RBMS3: variants seen among roughly 807,000 people sequenced by gnomAD.
RBMS3 encodes RNA-binding motif, single-stranded-interacting protein 3.
In RBMS3, 27 loss-of-function variants were observed where a neutral mutation model predicts 66.8. That is an observed-to-expected ratio of 0.40 (90% CI 0.30 to 0.56). The LOEUF (loss-of-function observed/expected upper bound fraction) is 0.56. Ranked by LOEUF, RBMS3 falls within the 20% of genes least tolerant of loss-of-function variation. RBMS3 has a pLI of 0.40. For missense variants in RBMS3, 513 were observed against 549.5 expected (o/e 0.93, Z 0.66); for synonymous variants, 188 against 183.0 (o/e 1.03, Z -0.22).
chr3:29,426,527 A>T (rs1269003133), intron 1 of RBMS3, among the ~76,000 whole-genome samples: 7 of 152,232 alleles, frequency 4.6e-5, no homozygotes, highest in Admixed American at 4.6e-4. Flanking sequence ...TCAAAAACTA[A>T]CATTTAGAGC....
At chr3:29,321,014 T>C (rs867380274) in intron 1 of RBMS3, among the ~76,000 whole-genome samples, 1 of 152,026 alleles carries the variant, frequency 6.6e-6, no homozygotes, top group Non-Finnish European at 1.5e-5. Context: ...GAGGAATACA[T>C]TGAGTTAAGA....
Position 29,897,430 on chromosome 3 carries a change from A to C in RBMS3, c.843A>C (p.Thr281=). ...CAACCAACCGCATGATTCCACAGACATCTATCACGCCATTCATTGCTGCTT... is the reference window on the plus strand; with the variant it reads ...CAACCAACCGCATGATTCCACAGACCTCTATCACGCCATTCATTGCTGCTT... The part of the protein sequence containing the change: ...SIATNRMIPQ[T]SITPFIAASP... Residue 281 remains threonine (T), a synonymous_variant, in exon 9 of 15, where the codon ACA becomes ACC. Coordinates refer to ENST00000383767, the MANE Select transcript of RBMS3 (RefSeq NM_001003793.3). The C allele has an allele frequency of 6.2e-7, 1 of 1,611,244 alleles. No homozygotes were observed. Among genetic ancestry groups the C allele is most frequent in the South Asian group, 1.1e-5 (1 of 91,028 alleles).
intron 12 of RBMS3, among the ~76,000 whole-genome samples, chr3:29,954,284 G>C (rs1341731590): frequency 1.3e-5 from 2 of 151,788 alleles, no homozygotes; most frequent in Non-Finnish European, 2.9e-5. Flanking sequence ...TCATGCCAAA[G>C]TTTCCAACTA....
intron 12 of RBMS3, among the ~76,000 whole-genome samples, chr3:29,963,273 C>T (rs1013612078): frequency 2.0e-5 from 3 of 151,998 alleles, no homozygotes; most frequent in African/African-American, 7.2e-5. Flanking sequence ...ATTAAATGCC[C>T]GAATGCCCAG....
At chr3:29,439,555 G>C (rs981325281) in intron 2 of RBMS3, among the ~76,000 whole-genome samples, 1 of 151,944 alleles carries the variant, frequency 6.6e-6, no homozygotes, top group Non-Finnish European at 1.5e-5. Context: ...AAGTAGCACA[G>C]AATAGAACCC....
intron 6 of RBMS3, among the ~76,000 whole-genome samples, chr3:29,838,565 C>T (rs13317628): frequency 0.24 from 35,928 of 151,906 alleles, 4,368 homozygotes; most frequent in African/African-American, 0.28. Context: ...ACCTTGTGAA[C>T]GTCCCACTTT....
chr3:29,339,154 G>A lies in RBMS3; in HGVS notation c.75+57398G>A, dbSNP rs571830165. 2.0e-5 allele frequency among the ~76,000 whole-genome samples: 3 copies of A among 152,142 alleles called. No individual in the cohort carries two copies. The South Asian group carries it at 6.2e-4, about 32-fold the overall frequency. ...AGTAGAGGAAGCCTGACTTCTCTAG[G>A]GCCCATGCCGTAATTCTTCTGGAGA... On this transcript the variant is annotated intron_variant, in intron 1 of 14. Coordinates refer to ENST00000383767, the MANE Select transcript of RBMS3 (RefSeq NM_001003793.3).
At chr3:29,604,600 T>G (rs1366518343) in intron 4 of RBMS3, among the ~76,000 whole-genome samples, 2 of 151,992 alleles carry the variant, frequency 1.3e-5, no homozygotes, top group Non-Finnish European at 2.9e-5. Context: ...AGAATCCAAC[T>G]GACTAAAATA....
chr3:29,306,837 A>G (rs188591252), intron 1 of RBMS3, among the ~76,000 whole-genome samples: 3 of 151,802 alleles, frequency 2.0e-5, no homozygotes, highest in African/African-American at 7.2e-5. Context: ...TCTACCTTCC[A>G]TGTTCTCCTC....
intron 4 of RBMS3, chr3:29,616,153 T>A (rs1169252306): frequency 6.6e-6 from 1 of 152,212 alleles, no homozygotes; most frequent in African/African-American, 2.4e-5. Flanking sequence ...GCTAACTTTA[T>A]TGAAGTCTAA....
intron 5 of RBMS3, among the ~76,000 whole-genome samples, chr3:29,741,340 T>A (rs1456454289): frequency 6.6e-6 from 1 of 152,202 alleles, no homozygotes; most frequent in East Asian, 1.9e-4. Flanking sequence ...CTGTTGATTT[T>A]CATGGCCAAG....
At chr3:29,629,223 T>C (rs1431730913) in intron 4 of RBMS3, among the ~76,000 whole-genome samples, 1 of 152,148 alleles carries the variant, frequency 6.6e-6, no homozygotes, top group Admixed American at 6.6e-5. Flanking sequence ...TTGAAAGGAT[T>C]CAAAGTGAAA....
At chr3:29,851,630 T>A (rs964872107) in intron 6 of RBMS3, among the ~76,000 whole-genome samples, 1 of 152,230 alleles carries the variant, frequency 6.6e-6, no homozygotes, top group Non-Finnish European at 1.5e-5. Flanking sequence ...TAAAAGTTAA[T>A]CTGCTTCTTA....
At chr3:29,580,227 C>A (rs778964769) in intron 3 of RBMS3, among the ~76,000 whole-genome samples, 5 of 152,122 alleles carry the variant, frequency 3.3e-5, no homozygotes, top group African/African-American at 7.2e-5. Context: ...AGTTTTCCCC[C>A]ACCTGGAAGA....
chr3:29,923,411 TG>T (rs372628369), intron 10 of RBMS3, among the ~76,000 whole-genome samples: 35 of 152,148 alleles, frequency 2.3e-4, no homozygotes, highest in Admixed American at 2.0e-3. Flanking sequence ...AATGATGAGG[TG>T]GGGGGTTCTG....
rs189064454 is a variant in RBMS3, at chr3:29,379,798, C to T, written c.76-54945C>T. Among the ~76,000 whole-genome samples, 165 of 152,230 alleles carry T rather than the reference C, an allele frequency of 1.1e-3. 3 individuals are homozygous for T. The East Asian group carries it at 0.027, about 25-fold the overall frequency. Reference sequence around the variant, plus strand: ...TGGTTATGAGATTTATCAGCGAAGACGACAGGTGCTGCCTTGATCCACATT... The same window carrying T: ...TGGTTATGAGATTTATCAGCGAAGATGACAGGTGCTGCCTTGATCCACATT... On this transcript the variant is annotated intron_variant, in intron 1 of 14. Coordinates refer to ENST00000383767, the MANE Select transcript of RBMS3 (RefSeq NM_001003793.3).
At chr3:29,802,819 CG>C (rs1559687392) in intron 6 of RBMS3, among the ~76,000 whole-genome samples, 1 of 152,008 alleles carries the variant, frequency 6.6e-6, no homozygotes, top group Admixed American at 6.6e-5. Context: ...AACTAGCATC[CG>C]GTGTAGTTGT....
At chr3:29,755,669 G>C (rs1473802583) in intron 5 of RBMS3, among the ~76,000 whole-genome samples, 2 of 152,196 alleles carry the variant, frequency 1.3e-5, no homozygotes, top group African/African-American at 4.8e-5. Context: ...CTGCTTGGAA[G>C]GACTGTAGAC....
chr3:29,649,400 A>G (rs2050062984), intron 4 of RBMS3, among the ~76,000 whole-genome samples: 1 of 152,208 alleles, frequency 6.6e-6, no homozygotes, highest in African/African-American at 2.4e-5. Context: ...CTAACACATG[A>G]CATTTTAAAA....
Sources: allele counts gnomAD v4.1 joint callset (sites outside exome capture counted in the v4.1 genomes callset), GRCh38; gene constraint gnomAD v4.1.1; transcripts MANE v1.5; gene names NCBI Gene and HGNC (gene_info 2026-07-23, HGNC 2026-07-21).